Variants in NAV2 observed in about 807,000 individuals in gnomAD.
The protein encoded by NAV2 is neuron navigator 2.
A neutral mutation model predicts 223.2 loss-of-function variants in NAV2; 54 were observed. The ratio of observed to expected loss-of-function variants is 0.24; its 90% CI spans 0.19 to 0.30. NAV2 has a LOEUF of 0.30. NAV2 is among the 10% of genes least tolerant of loss of function. NAV2 has a pLI of 1.00. For synonymous variants in NAV2, 1,279 were observed against 1,239.3 expected (o/e 1.03, Z -0.67); for missense variants, 2,806 against 3,147.5 (o/e 0.89, Z 2.60).
upstream of NAV2, among the ~76,000 whole-genome samples, chr11:19,347,573 G>T (rs1853074303): frequency 6.6e-6 from 1 of 152,142 alleles, no homozygotes; most frequent in African/African-American, 2.4e-5. Flanking sequence ...CTTGTCTTAT[G>T]AACTTTGAGG....
intron 1 of NAV2, among the ~76,000 whole-genome samples, chr11:19,412,313 C>T (rs4457725): frequency 0.31 from 46,453 of 152,056 alleles, 7,705 homozygotes; most frequent in South Asian, 0.45. Context: ...CCGGGAAGTT[C>T]GAACTGGGTG....
At chr11:19,494,666 G>C (rs2042736134) in intron 1 of NAV2, among the ~76,000 whole-genome samples, 1 of 152,144 alleles carries the variant, frequency 6.6e-6, no homozygotes, top group Non-Finnish European at 1.5e-5. Context: ...AGGATACAAA[G>C]ACCCCACCCC....
At chr11:19,380,700 T>C (rs1157297715) in intron 1 of NAV2, 1 of 152,236 alleles carries the variant, frequency 6.6e-6, no homozygotes, top group Non-Finnish European at 1.5e-5. Flanking sequence ...TCTGCATAAA[T>C]TATAAATACA....
At chr11:20,072,434 T>C (rs1350483696) in intron 22 of NAV2, among the ~76,000 whole-genome samples, 4 of 141,686 alleles carry the variant, frequency 2.8e-5, no homozygotes, top group South Asian at 2.4e-4. Flanking sequence ...TTTGGTTCCA[T>C]ATGAAATTTA....
intron 1 of NAV2, among the ~76,000 whole-genome samples, chr11:19,621,606 C>G (rs1223657501): frequency 6.6e-6 from 1 of 152,132 alleles, no homozygotes; most frequent in Non-Finnish European, 1.5e-5. Flanking sequence ...GTGATATTCC[C>G]TTTATCATTT....
intron 1 of NAV2, among the ~76,000 whole-genome samples, chr11:19,784,411 AAAAAAG>A (rs1252756763): frequency 1.3e-5 from 2 of 149,772 alleles, no homozygotes; most frequent in African/African-American, 4.9e-5. Context: ...AAAAAAAAAA[AAAAAAG>A]AGGGGCTTTA....
chr11:19,766,403 G>T (rs957911400), intron 1 of NAV2, among the ~76,000 whole-genome samples: 1 of 152,166 alleles, frequency 6.6e-6, no homozygotes, highest in Non-Finnish European at 1.5e-5. Flanking sequence ...GCTTTGATGT[G>T]AGGGGAACTG....
At chr11:19,355,900 G>A (rs537875545) in intron 1 of NAV2, among the ~76,000 whole-genome samples, 22 of 152,292 alleles carry the variant, frequency 1.4e-4, no homozygotes, top group African/African-American at 5.3e-4. Context: ...TATGAGCTCT[G>A]GGGCATTGAA....
chr11:19,509,586 T>C (rs1590364560), intron 1 of NAV2, among the ~76,000 whole-genome samples: 2 of 152,210 alleles, frequency 1.3e-5, no homozygotes, highest in African/African-American at 4.8e-5. Context: ...CAACCCGATA[T>C]TGCAAGATGC....
chr11:19,957,270 A>G (rs1259003714), intron 10 of NAV2, among the ~76,000 whole-genome samples: 1 of 152,172 alleles, frequency 6.6e-6, no homozygotes, highest in African/African-American at 2.4e-5. Context: ...ACTTGCTGAC[A>G]GCTCTTAATA....
At chr11:19,567,762 A>T (rs1373880272) in intron 1 of NAV2, among the ~76,000 whole-genome samples, 1 of 152,054 alleles carries the variant, frequency 6.6e-6, no homozygotes, top group Non-Finnish European at 1.5e-5. Context: ...TGCAATCTGG[A>T]ACTCATTTCC....
chr11:19,884,377 G>C (rs1275933688), intron 5 of NAV2: 1 of 1,608,814 alleles, frequency 6.2e-7, no homozygotes, highest in Non-Finnish European at 8.5e-7. Flanking sequence ...GACTTTCTCT[G>C]TGTCCTGCAA....
At chr11:20,035,493 T>A (rs540526070) in intron 11 of NAV2, among the ~76,000 whole-genome samples, 1 of 152,120 alleles carries the variant, frequency 6.6e-6, no homozygotes, top group Non-Finnish European at 1.5e-5. Context: ...TCTCCCTCGC[T>A]CGGCGTTTCA....
In NAV2 at chr11:19,596,874, C is replaced by T. The variant is rs182989520; in HGVS notation, c.76-235610C>T. ...TTCATCTGCAGGCTGTTCGTCTTTA[C>T]GGCAAACCCAGTAGGTAGGTATAAC... On this transcript the variant is annotated intron_variant, in intron 1 of 37. Coordinates refer to the NAV2 transcript ENST00000360655. Among the ~76,000 whole-genome samples, 31 of 152,344 alleles carry T rather than the reference C, an allele frequency of 2.0e-4. 1 individual carries two copies. In the East Asian group the frequency reaches 4.8e-3, roughly 24 times the overall value.
At chr11:19,592,087 T>C (rs2046078216) in intron 1 of NAV2, among the ~76,000 whole-genome samples, 1 of 151,816 alleles carries the variant, frequency 6.6e-6, no homozygotes, top group African/African-American at 2.4e-5. Flanking sequence ...TCATTGAATC[T>C]AGCTTGAAGC....
upstream of NAV2, among the ~76,000 whole-genome samples, chr11:19,710,576 G>C (rs1038095913): frequency 7.9e-5 from 12 of 152,260 alleles, no homozygotes; most frequent in African/African-American, 2.7e-4. Flanking sequence ...TCTGGGTGGA[G>C]CTTTCAAACA....
chr11:20,014,292 A>T (rs2053824903), intron 11 of NAV2, among the ~76,000 whole-genome samples: 2 of 152,350 alleles, frequency 1.3e-5, no homozygotes, highest in South Asian at 4.1e-4. Context: ...AAAAAGCCAA[A>T]GAGTAGCACT....
At position 19,559,225 on chromosome 11, in the gene NAV2, C is replaced by T. The variant is rs1458526139; in HGVS notation, c.75+208198C>T. ...GAAGCCACCTTCACAGCTGAGGAGA[C>T]TGAGGTGCCTCGGCTACAGAGATTG... On this transcript the variant is annotated intron_variant, in intron 1 of 37. Transcript: ENST00000360655. 4.6e-5 allele frequency among the ~76,000 whole-genome samples: 7 copies of T among 152,310 alleles called. No individual in the cohort carries two copies. In the East Asian group the frequency reaches 1.4e-3, roughly 29 times the overall value.
intron 11 of NAV2, among the ~76,000 whole-genome samples, chr11:19,988,712 C>T (rs1314515318): frequency 6.6e-6 from 1 of 152,156 alleles, no homozygotes; most frequent in Non-Finnish European, 1.5e-5. Flanking sequence ...TGGGAGGCCT[C>T]TCTCAAGGAG....
Sources: allele counts gnomAD v4.1 joint callset (sites outside exome capture counted in the v4.1 genomes callset), GRCh38; gene constraint gnomAD v4.1.1; transcripts MANE v1.5; gene names NCBI Gene and HGNC (gene_info 2026-07-23, HGNC 2026-07-21).